ACACA: variants seen among roughly 807,000 people sequenced by gnomAD.
ACACA encodes the protein acetyl-CoA carboxylase alpha, also known as acetyl-CoA carboxylase 1.
ACACA carries 103 observed loss-of-function variants against 296.1 expected under a neutral mutation model. The observed-to-expected ratio is 0.35, with a 90% CI of 0.30 to 0.41. The LOEUF (loss-of-function observed/expected upper bound fraction) is 0.41. Ranked by LOEUF, ACACA falls within the 10% of genes least tolerant of loss-of-function variation. ACACA has a pLI of 1.00. For synonymous variants in ACACA, 953 were observed against 1,038.6 expected (o/e 0.92, Z 1.58); for missense variants, 1,554 against 2,989.7 (o/e 0.52, Z 11.20).
At chr17:37,382,553 A>G (rs2050343078) in intron 1 of ACACA, among the ~76,000 whole-genome samples, 1 of 152,092 alleles carries the variant, frequency 6.6e-6, no homozygotes, top group Admixed American at 6.6e-5. Flanking sequence ...TCAGGATGTT[A>G]CAGAAAAACT....
intron 1 of ACACA, among the ~76,000 whole-genome samples, chr17:37,359,385 A>T (rs1202012408): frequency 1.3e-5 from 2 of 151,782 alleles, no homozygotes; most frequent in African/African-American, 2.4e-5. Flanking sequence ...CGGATCTGCC[A>T]TTCGGGGCCC....
chr17:37,161,716 C>G (rs923289289), intron 42 of ACACA, 65 bp downstream of exon 42: 2 of 1,577,462 alleles, frequency 1.3e-6, no homozygotes, highest in African/African-American at 1.3e-5. Flanking sequence ...ACCCTTCCCC[C>G]ACCTCTCCAC....
intron 24 of ACACA, among the ~76,000 whole-genome samples, chr17:37,235,920 G>A (rs1276577434): frequency 6.6e-6 from 1 of 152,180 alleles, no homozygotes; most frequent in African/African-American, 2.4e-5. Flanking sequence ...CTGGTACACT[G>A]TAGTGATATC....
At chr17:37,142,852 G>C (rs923560665) in intron 45 of ACACA, among the ~76,000 whole-genome samples, 1 of 152,192 alleles carries the variant, frequency 6.6e-6, no homozygotes, top group Non-Finnish European at 1.5e-5. Context: ...CCACAGTGAG[G>C]ACTGTCATCT....
At chr17:37,335,460 AC>A (rs1185852917) in intron 2 of ACACA, among the ~76,000 whole-genome samples, 1 of 152,060 alleles carries the variant, frequency 6.6e-6, no homozygotes, top group Non-Finnish European at 1.5e-5. Context: ...TAGTCTGCCT[AC>A]CCTCAGGAAT....
At chr17:37,141,517 C>T (rs1168632906) in intron 45 of ACACA, 1 of 222,800 alleles carries the variant, frequency 4.5e-6, no homozygotes, top group African/African-American at 2.3e-5. Context: ...ATCCTCCTTC[C>T]TTGGCCTCCC....
At chr17:37,099,578 AGGGCTG>A in intron 52 of ACACA, among the ~76,000 whole-genome samples, 1 of 144,142 alleles carries the variant, frequency 6.9e-6, no homozygotes, top group Non-Finnish European at 1.5e-5. Flanking sequence ...TGATGGCGGG[AGGGCTG>A]ATGGCAGGAG....
At chr17:37,342,782 C>CAA (rs771358364) in intron 1 of ACACA, among the ~76,000 whole-genome samples, 2 of 137,410 alleles carry the variant, frequency 1.5e-5, no homozygotes, top group African/African-American at 2.7e-5. Flanking sequence ...CCATCTCTAC[C>CAA]AAAAAAAAAA....
intron 54 of ACACA, 37 bp from the exon 55 acceptor site, chr17:37,089,111 C>G: frequency 5.0e-6 from 8 of 1,613,960 alleles, no homozygotes; most frequent in Non-Finnish European, 6.8e-6. Context: ...CACCAGGGGT[C>G]AGGCCAGGCC....
At chr17:37,394,054 C>A (rs1228697540) in intron 1 of ACACA, among the ~76,000 whole-genome samples, 1 of 152,074 alleles carries the variant, frequency 6.6e-6, no homozygotes, top group Non-Finnish European at 1.5e-5. Flanking sequence ...AAGGAGAACT[C>A]CTGTGTGGGC....
At position 37,097,198 on chromosome 17, in the gene ACACA, T is replaced by C. The variant is rs373024366; in HGVS notation, c.6721-32A>G. On this transcript the variant is annotated intron_variant, in intron 53 of 55. Coordinates refer to ENST00000616317, the MANE Select transcript of ACACA (RefSeq NM_198834.3). The surrounding 1 kb of genome is among the most constrained non-coding windows in gnomAD (Gnocchi z 4.8). The stretch of plus-strand genomic sequence containing the variant: ...GCAGAGAAGAATAAACTTAGCCCAG[T>C]CCTAATTCCTGCTTAATGCTCAGTC... The C allele has an allele frequency of 1.1e-5, 17 of 1,607,628 alleles. No individual in the cohort carries two copies. The African/African-American group carries it at 2.1e-4, about 20-fold the overall frequency.
intron 47 of ACACA, among the ~76,000 whole-genome samples, chr17:37,126,516 T>G (rs2074794120): frequency 6.6e-6 from 1 of 152,220 alleles, no homozygotes; most frequent in Non-Finnish European, 1.5e-5. Context: ...AAAAAAACTT[T>G]TGTTCCACAG....
chr17:37,200,491 CA>C lies in ACACA; in HGVS notation c.4057-9del. On this transcript the variant is annotated splice_polypyrimidine_tract_variant and intron_variant, in intron 33 of 55. Coordinates refer to ENST00000616317, the MANE Select transcript of ACACA (RefSeq NM_198834.3). ...GTCAACCAGGGTAGCTTTCTAGGAGCAAAAACATGTAAAACAGAAGATAGAT... is the reference window on the plus strand; with the variant it reads ...GTCAACCAGGGTAGCTTTCTAGGAGCAAAACATGTAAAACAGAAGATAGAT... 1.2e-6 allele frequency: 2 copies of C among 1,609,024 alleles called. No homozygotes were observed. The highest frequency in any genetic ancestry group is 1.7e-6 in the Non-Finnish European group (2 of 1,175,542).
chr17:37,183,070 T>C (rs771734762), intron 39 of ACACA, among the ~76,000 whole-genome samples: 2 of 152,160 alleles, frequency 1.3e-5, no homozygotes, highest in African/African-American at 2.4e-5. Context: ...AAGGGTACAG[T>C]ATGAGAAAAC....
chr17:37,285,638 AC>A (rs2082730556), intron 3 of ACACA, among the ~76,000 whole-genome samples: 1 of 145,276 alleles, frequency 6.9e-6, no homozygotes, highest in African/African-American at 2.6e-5. Flanking sequence ...ACATGGCAAA[AC>A]CCTGTCTATA....
intron 7 of ACACA, 136 bp downstream of exon 7, chr17:37,276,897 T>C: frequency 3.9e-6 from 3 of 775,764 alleles, no homozygotes; most frequent in South Asian, 1.4e-5. Context: ...CTCTGAGAGT[T>C]AGTAATAGAT....
Position 37,087,273 on chromosome 17 carries a change from C to G in ACACA, c.*43G>C. The stretch of plus-strand genomic sequence containing the variant: ...TACAGTTGTAAAAGGCAGCTCTAGC[C>G]CTTTTCTCCAGAGACAGGGCAGGGA... On this transcript the variant is annotated 3_prime_UTR_variant, in exon 56 of 56. Coordinates refer to ENST00000616317, the MANE Select transcript of ACACA (RefSeq NM_198834.3). 6.2e-7 allele frequency: 1 copy of G among 1,613,490 alleles called. No individual in the cohort carries two copies. Among genetic ancestry groups the G allele is most frequent in the Non-Finnish European group, 8.5e-7 (1 of 1,179,924 alleles).
intron 30 of ACACA, among the ~76,000 whole-genome samples, chr17:37,208,537 AT>A (rs893280871): frequency 2.0e-4 from 30 of 152,240 alleles, no homozygotes; most frequent in African/African-American, 5.3e-4. Context: ...AAACAAAAAA[AT>A]CTCCATTGAA....
At chr17:37,204,496 G>A (rs961074458) in intron 33 of ACACA, among the ~76,000 whole-genome samples, 3 of 152,114 alleles carry the variant, frequency 2.0e-5, no homozygotes, top group Non-Finnish European at 4.4e-5. Context: ...CCATGGAATC[G>A]TGGTAAGATG....
Sources: allele counts gnomAD v4.1 joint callset (sites outside exome capture counted in the v4.1 genomes callset), GRCh38; gene constraint gnomAD v4.1.1; non-coding constraint Gnocchi (gnomAD v3.1); transcripts MANE v1.5; gene names NCBI Gene and HGNC (gene_info 2026-07-23, HGNC 2026-07-21).